The following COMMD10 variants were observed in gnomAD, a reference collection of about 807,000 sequenced individuals.
COMMD10 encodes COMM domain containing 10, also known as COMM domain-containing protein 10.
A neutral mutation model predicts 28.9 loss-of-function variants in COMMD10; 33 were observed. That is an observed-to-expected ratio of 1.14 (90% confidence interval 0.87 to 1.53). The LOEUF (loss-of-function observed/expected upper bound fraction) is 1.53. Ranked by LOEUF, COMMD10 falls within the 40% of genes most tolerant of loss-of-function variation. COMMD10 has a pLI of 0.00. For missense variants in COMMD10, 310 were observed against 233.4 expected (o/e 1.33, Z -2.14); for synonymous variants, 110 against 81.7 (o/e 1.35, Z -1.87).
intron 5 of COMMD10, among the ~76,000 whole-genome samples, chr5:116,284,622 A>G (rs1751170242): frequency 6.6e-6 from 1 of 151,954 alleles, no homozygotes; most frequent in African/African-American, 2.4e-5. Flanking sequence ...AATTATATAT[A>G]CATTGTCAGA....
rs1251418695 is a variant in COMMD10 at position 116,216,358 on chromosome 5, AGTTT to A, written c.511-75155_511-75152del. Among the ~76,000 whole-genome samples, 4 of 152,288 alleles carry A rather than the reference AGTTT, an allele frequency of 2.6e-5. No homozygotes were observed. The South Asian group carries it at 6.2e-4, about 24-fold the overall frequency. On this transcript the variant is annotated intron_variant, in intron 5 of 6. Transcript: ENST00000274458. Reference sequence around the variant, plus strand: ...TATACAGTACTTATATGGACTAGAAAGTTTGTTCTTGTGCTTTCAGTAGAAGCAT... The same window carrying A: ...TATACAGTACTTATATGGACTAGAAAGTTCTTGTGCTTTCAGTAGAAGCAT...
chr5:116,187,010 G>A (rs553878431), intron 5 of COMMD10, among the ~76,000 whole-genome samples: 37 of 152,026 alleles, frequency 2.4e-4, no homozygotes, highest in Middle Eastern at 3.4e-3. Context: ...GTTTCTTATG[G>A]CACTTTTAAT....
At chr5:116,276,363 C>T (rs139974342) in intron 5 of COMMD10, among the ~76,000 whole-genome samples, 2 of 151,760 alleles carry the variant, frequency 1.3e-5, no homozygotes, top group African/African-American at 4.9e-5. Context: ...AGCAATTCTC[C>T]TGCCCCAGCC....
At chr5:116,124,540 A>G (rs1317984831) in intron 4 of COMMD10, among the ~76,000 whole-genome samples, 7 of 152,154 alleles carry the variant, frequency 4.6e-5, no homozygotes, top group Non-Finnish European at 1.0e-4. Flanking sequence ...AAGAATGTAT[A>G]TTCTGTTGAT....
chr5:116,101,110 A>G (rs2063250), intron 4 of COMMD10, among the ~76,000 whole-genome samples: 77,816 of 152,032 alleles, frequency 0.51, 22,180 homozygotes, highest in Non-Finnish European at 0.65. Flanking sequence ...TCCATTGTCT[A>G]TATATACACA....
intron 4 of COMMD10, among the ~76,000 whole-genome samples, chr5:116,120,959 A>G (rs1001270437): frequency 4.0e-5 from 6 of 151,694 alleles, no homozygotes; most frequent in African/African-American, 1.2e-4. Flanking sequence ...GTGTATATGT[A>G]TATGTTTTTG....
chr5:116,124,008 CA>C (rs1448549205), intron 4 of COMMD10, among the ~76,000 whole-genome samples: 2 of 151,608 alleles, frequency 1.3e-5, no homozygotes, highest in Non-Finnish European at 1.5e-5. Context: ...TTGATCTTTT[CA>C]AAAAACTGGT....
intron 5 of COMMD10, among the ~76,000 whole-genome samples, chr5:116,216,500 C>T (rs1261934111): frequency 6.6e-6 from 1 of 152,110 alleles, no homozygotes; most frequent in Admixed American, 6.5e-5. Context: ...GCAGATGTTA[C>T]ACATGTCTAG....
rs142823444 is a variant in COMMD10, at chr5:116,166,830, C to T, written c.510+32652C>T. ...AACAAAACGGACATCCACACAAAAA[C>T]CCCATCCGAAGGTCACCAACATCAA... is the stretch of plus-strand genomic sequence containing the variant. On this transcript the variant is annotated intron_variant, in intron 5 of 6. Coordinates refer to ENST00000274458, the MANE Select transcript of COMMD10 (RefSeq NM_016144.4). Among the ~76,000 whole-genome samples the T allele has an allele frequency of 7.1e-3, 1,079 of 152,180 alleles. 16 individuals carry two copies. The highest frequency in any genetic ancestry group is 0.025 in the African/African-American group (1,034 of 41,528).
chr5:116,087,646 G>T, intron 2 of COMMD10, 59 bp downstream of exon 2: 1 of 1,208,676 alleles, frequency 8.3e-7, no homozygotes, highest in South Asian at 1.2e-5. Context: ...TTGAAAGTCT[G>T]ATTATTTGGA....
chr5:116,273,412 C>G (rs1055512019), intron 5 of COMMD10, among the ~76,000 whole-genome samples: 1 of 151,684 alleles, frequency 6.6e-6, no homozygotes, highest in African/African-American at 2.4e-5. Flanking sequence ...TTTCCTCATC[C>G]AAGATAGAAG....
intron 5 of COMMD10, among the ~76,000 whole-genome samples, chr5:116,276,123 G>A (rs146767657): frequency 1.3e-5 from 2 of 151,524 alleles, no homozygotes; most frequent in East Asian, 3.9e-4. Flanking sequence ...ATCAGGCGAG[G>A]TTTTGCAGAG....
intron 5 of COMMD10, among the ~76,000 whole-genome samples, chr5:116,278,030 G>T (rs1188228635): frequency 6.6e-6 from 1 of 151,706 alleles, no homozygotes; most frequent in Non-Finnish European, 1.5e-5. Context: ...TCAATTTATT[G>T]TTTAAAATTT....
At chr5:116,255,946 C>T (rs930073272) in intron 5 of COMMD10, 1 of 151,474 alleles carries the variant, frequency 6.6e-6, no homozygotes, top group Non-Finnish European at 1.5e-5. Context: ...AGAAACGTTG[C>T]AGTTAGATCC....
intron 2 of COMMD10, among the ~76,000 whole-genome samples, chr5:116,088,396 G>A (rs1406267035): frequency 1.3e-5 from 2 of 152,106 alleles, no homozygotes; most frequent in Non-Finnish European, 2.9e-5. Flanking sequence ...CCTGCCTATA[G>A]TCTTCTTGCT....
chr5:116,215,602 G>A (rs1203341026), intron 5 of COMMD10, among the ~76,000 whole-genome samples: 4 of 150,748 alleles, frequency 2.7e-5, no homozygotes, highest in South Asian at 2.1e-4. Context: ...CAAGAGAATC[G>A]CTTGATCCCG....
chr5:116,284,851 A>G (rs1751176585), intron 5 of COMMD10, among the ~76,000 whole-genome samples: 1 of 152,088 alleles, frequency 6.6e-6, no homozygotes, highest in Admixed American at 6.5e-5. Context: ...CAATCCAAAG[A>G]GAAGCACCTT....
intron 5 of COMMD10, among the ~76,000 whole-genome samples, chr5:116,207,034 G>T (rs1291946364): frequency 6.6e-6 from 1 of 152,086 alleles, no homozygotes; most frequent in Non-Finnish European, 1.5e-5. Flanking sequence ...AAGAACTGAG[G>T]TTAGTGAACA....
intron 4 of COMMD10, among the ~76,000 whole-genome samples, chr5:116,122,751 TG>T (rs962886485): frequency 6.6e-6 from 1 of 152,316 alleles, no homozygotes; most frequent in African/African-American, 2.4e-5. Flanking sequence ...CAATTGTGAA[TG>T]GGAGTTCACT....
Sources: allele counts gnomAD v4.1 joint callset (sites outside exome capture counted in the v4.1 genomes callset), GRCh38; gene constraint gnomAD v4.1.1; transcripts MANE v1.5; gene names NCBI Gene and HGNC (gene_info 2026-07-23, HGNC 2026-07-21).